LCP2: variants seen among roughly 807,000 people sequenced by gnomAD.
The protein encoded by LCP2 is lymphocyte cytosolic protein 2.
LCP2 carries 29 observed loss-of-function variants against 74.5 expected under a neutral mutation model. The observed-to-expected ratio is 0.39, with a 90% CI of 0.29 to 0.53. The LOEUF (loss-of-function observed/expected upper bound fraction) is 0.53, where lower values mean the gene tolerates loss of function less well. LCP2 is among the 20% of genes least tolerant of loss of function. The pLI, the probability that LCP2 is intolerant of heterozygous loss-of-function variation, is 0.72. For missense variants in LCP2, 604 were observed against 634.6 expected, an observed-to-expected ratio of 0.95 and a Z score of 0.52; for synonymous variants, 228 against 229.5, an observed-to-expected ratio of 0.99 and a Z score of 0.06.
intron 20 of LCP2, 70 bp downstream of exon 20, chr5:170,250,660 C>G (rs1761416114): frequency 8.3e-7 from 1 of 1,200,624 alleles, no homozygotes; most frequent in African/African-American, 1.5e-5. Context: ...TCTCAAAGAT[C>G]GCTCCATGAA....
At position 170,254,106 on chromosome 5, in the gene LCP2, G is replaced by T. The variant is rs188135451; in HGVS notation, c.1151-893C>A. Among the ~76,000 whole-genome samples, 15 of 152,268 alleles carry T rather than the reference G, an allele frequency of 9.9e-5. No homozygotes were observed. In the East Asian group the frequency reaches 2.9e-3, roughly 29 times the overall value. On this transcript the variant is annotated intron_variant, in intron 17 of 20. Coordinates refer to ENST00000046794, the MANE Select transcript of LCP2 (RefSeq NM_005565.5). The stretch of plus-strand genomic sequence containing the variant: ...GTCCAGATCTTGAGTAAGGTATCGT[G>T]TGTACATTTTTTTTAATCCTCACAG...
At position 170,250,804 on chromosome 5, in the gene LCP2, C is replaced by G; in HGVS notation, c.1405G>C (p.Val469Leu). 1.2e-6 allele frequency: 2 copies of G among 1,612,270 alleles called. No homozygotes were observed. The highest frequency in any genetic ancestry group is 1.7e-6 in the Non-Finnish European group (2 of 1,178,336). The change falls in exon 20 of 21, where the codon GTT (valine) becomes CTT (leucine). Residue 469 changes from valine (V) to leucine (L), a missense_variant. Coordinates refer to ENST00000046794, the MANE Select transcript of LCP2 (RefSeq NM_005565.5). ...TGATAACGGATCTGGATGTTGTAAACTTTATCTTTGTACAACACCATGAGG... is the reference window on the plus strand; with the variant it reads ...TGATAACGGATCTGGATGTTGTAAAGTTTATCTTTGTACAACACCATGAGG... ...YVLMVLYKDKVYNIQIRYQKE... is the reference protein window; with the variant it reads ...YVLMVLYKDKLYNIQIRYQKE...
Position 170,266,811 on chromosome 5 carries a change from G to T in LCP2, c.769C>A (p.Leu257Ile), listed in dbSNP as rs771729219. ...LAPFDREPFT[L>I]GKKPPFSDKP... ...ATTAAATGTGAATCATACCCACCTA[G>T]TGTGAAGGGTTCTCTATCAAACGGA... The change falls in exon 10 of 21, where the codon CTA becomes ATA. Residue 257 changes from leucine to isoleucine, a missense_variant. Coordinates refer to ENST00000046794, the MANE Select transcript of LCP2 (RefSeq NM_005565.5). 1 of 1,612,136 alleles carries T rather than the reference G, an allele frequency of 6.2e-7. No homozygotes were observed. Among genetic ancestry groups the T allele is most frequent in the African/African-American group, 1.3e-5 (1 of 74,870 alleles).
At chr5:170,276,140 C>T (rs1193284095) in intron 3 of LCP2, among the ~76,000 whole-genome samples, 1 of 152,170 alleles carries the variant, frequency 6.6e-6, no homozygotes, top group South Asian at 2.1e-4. Flanking sequence ...CAGAGCTCCC[C>T]CTTAAAGACT....
intron 2 of LCP2, among the ~76,000 whole-genome samples, chr5:170,290,959 A>AGAAAG (rs1181467474): frequency 2.6e-4 from 10 of 38,014 alleles, no homozygotes; most frequent in African/African-American, 1.0e-3. Flanking sequence ...AAGAAAAGAA[A>AGAAAG]GAAAGAAAGA....
chr5:170,281,373 G>A (rs1304712810), intron 3 of LCP2, among the ~76,000 whole-genome samples: 1 of 151,950 alleles, frequency 6.6e-6, no homozygotes, highest in East Asian at 1.9e-4. Context: ...TCTGCCTCCC[G>A]GGTTCACGCC....
At chr5:170,272,690 G>A (rs1046036362) in intron 6 of LCP2, among the ~76,000 whole-genome samples, 2 of 123,670 alleles carry the variant, frequency 1.6e-5, no homozygotes, top group African/African-American at 6.2e-5. Context: ...TCGGCTTACT[G>A]CAACCTCCAC....
chr5:170,275,918 C>T (rs1243389826), intron 3 of LCP2, 58 bp from the exon 4 acceptor site: 1 of 1,447,368 alleles, frequency 6.9e-7, no homozygotes, highest in Non-Finnish European at 9.5e-7. Flanking sequence ...CAACCTTCCC[C>T]CTGACCCTTG....
chr5:170,287,641 G>T (rs1762205446), intron 3 of LCP2: 2 of 367,668 alleles, frequency 5.4e-6, no homozygotes, highest in Admixed American at 3.9e-5. Context: ...CACTGAGTCA[G>T]TGGTGATGCC....
At chr5:170,274,397 G>A in intron 5 of LCP2, 59 bp from the exon 6 acceptor site, 1 of 1,566,060 alleles carries the variant, frequency 6.4e-7, no homozygotes, top group Non-Finnish European at 8.7e-7. Context: ...TTGAGGGAAA[G>A]TCAAAGCAGC....
chr5:170,296,384 G>A (rs965801981), intron 1 of LCP2, among the ~76,000 whole-genome samples: 18 of 152,152 alleles, frequency 1.2e-4, no homozygotes, highest in African/African-American at 3.6e-4. Flanking sequence ...TCAGGTTGGG[G>A]GAGAACAGCT....
rs751846838 is a variant in LCP2, at chr5:170,253,074, C to A, written c.1245+45G>T. ...ATGGGAGTTTCTGGTGATTCTTTTA[C>A]CAGGGAAAAGGCAAACAAACAAAAA... On this transcript the variant is annotated intron_variant, in intron 18 of 20. Transcript: ENST00000046794. 9 of 1,236,948 alleles carry A rather than the reference C, an allele frequency of 7.3e-6. No individual in the cohort carries two copies. The South Asian group carries it at 1.0e-4, about 14-fold the overall frequency. The allele number at this position is 1,236,948 out of a possible 1,614,324, so 76.6% of individuals were successfully genotyped here.
chr5:170,263,514 C>G (rs1761698934), intron 10 of LCP2, among the ~76,000 whole-genome samples: 1 of 152,180 alleles, frequency 6.6e-6, no homozygotes, highest in Non-Finnish European at 1.5e-5. Context: ...TCAGGAGACT[C>G]TCCTGGTATG....
rs1761644337 is a variant in LCP2 at position 170,261,207 on chromosome 5, G to A, written c.927-70C>T. 5.0e-6 allele frequency: 6 copies of A among 1,197,304 alleles called. No homozygotes were observed. In the South Asian group the frequency reaches 7.6e-5, roughly 15 times the overall value. The allele number at this position is 1,197,304 out of a possible 1,614,324, so 74.2% of individuals were successfully genotyped here. On this transcript the variant is annotated intron_variant, in intron 13 of 20. Transcript: ENST00000046794. The stretch of plus-strand genomic sequence containing the variant: ...TTCAAAGAGCCAGCCTTAGAATACA[G>A]TTTTGCTTCATTGAATAATGAGAAA...
chr5:170,261,107 A>C lies in LCP2; in HGVS notation c.957T>G (p.Asn319Lys), dbSNP rs764699115. 2.5e-6 allele frequency: 4 copies of C among 1,601,148 alleles called. No homozygotes were observed. Among genetic ancestry groups the C allele is most frequent in the Non-Finnish European group, 3.4e-6 (4 of 1,168,490 alleles). The change falls in exon 14 of 21, where the codon AAT becomes AAG. Residue 319 changes from asparagine (N) to lysine (K), a missense_variant and splice_region_variant. Asn to Lys is a moderately conservative substitution (Grantham distance 94). Transcript: ENST00000046794. Reference protein sequence around the residue: ...KHGWGPDRRENDEDDVHQRPL... With the variant: ...KHGWGPDRREKDEDDVHQRPL... ...TTACAAACTGACATTTTGTACTTAC[A>C]TTCTCTCTTCTGTCTGGTCCCCATC...
chr5:170,248,915 T>C (rs983624120), intron 20 of LCP2, 96 bp from the exon 21 acceptor site: 2 of 1,223,098 alleles, frequency 1.6e-6, no homozygotes, highest in African/African-American at 1.5e-5. Context: ...TGCTGCCTCT[T>C]CAAGTGATGA....
At chr5:170,253,650 A>C (rs114627863) in intron 17 of LCP2, among the ~76,000 whole-genome samples, 4,285 of 152,304 alleles carry the variant, frequency 0.028, 163 homozygotes, top group African/African-American at 0.088. Flanking sequence ...TGATGAAGAT[A>C]ATTATGTTCT....
At chr5:170,266,682 C>A in intron 10 of LCP2, 126 bp downstream of exon 10, 1 of 819,420 alleles carries the variant, frequency 1.2e-6, no homozygotes, top group South Asian at 1.5e-5. Flanking sequence ...GAGGATGATT[C>A]TACTAGTCTC....
In LCP2 at chr5:170,248,604, TCAGTC is replaced by T; in HGVS notation, c.*88_*92del. 1 of 1,388,204 alleles carries T rather than the reference TCAGTC, an allele frequency of 7.2e-7. No individual in the cohort carries two copies. The highest frequency in any genetic ancestry group is 1.2e-5 in the South Asian group (1 of 81,682). The allele number at this position is 1,388,204 out of a possible 1,614,324, so 86.0% of individuals were successfully genotyped here. On this transcript the variant is annotated 3_prime_UTR_variant, in exon 21 of 21. Transcript: ENST00000046794. ...TTGTGTTCATGGGGAGGGGTTCAGT[TCAGTC>T]CTAAGTGTTTGTCCATTGACCAAGG...
Sources: allele counts gnomAD v4.1 joint callset (sites outside exome capture counted in the v4.1 genomes callset), GRCh38; gene constraint gnomAD v4.1.1; transcripts MANE v1.5; gene names NCBI Gene and HGNC (gene_info 2026-07-23, HGNC 2026-07-21).